MAP4K3: variants seen among roughly 807,000 people sequenced by gnomAD.
MAP4K3 encodes the protein mitogen-activated protein kinase kinase kinase kinase 3.
Under a neutral mutation model 143.5 loss-of-function variants are expected in MAP4K3, and 94 were observed. That is an observed-to-expected ratio of 0.65 (90% CI 0.55 to 0.78). MAP4K3 has a LOEUF of 0.78. MAP4K3 is among the 30% of genes least tolerant of loss of function. The probability of loss-of-function intolerance (pLI) is 0.00; values close to 1 mark genes in which losing one functional copy is unlikely to be tolerated. For missense variants in MAP4K3, 1,077 were observed against 1,068.1 expected (o/e 1.01, Z -0.12); for synonymous variants, 416 against 347.2 (o/e 1.20, Z -2.20).
At chr2:39,378,230 G>T (rs909772721) in intron 1 of MAP4K3, 107 bp from the exon 2 acceptor site, 4 of 610,200 alleles carry the variant, frequency 6.6e-6, no homozygotes, top group Middle Eastern at 4.6e-4. Context: ...TATTTTAAAA[G>T]AAATGCAAAT....
At chr2:39,412,571 C>A (rs1025812940) in intron 1 of MAP4K3, among the ~76,000 whole-genome samples, 5 of 151,846 alleles carry the variant, frequency 3.3e-5, no homozygotes, top group Non-Finnish European at 7.4e-5. Context: ...AACAAACAAA[C>A]AAAAAATAAA....
intron 18 of MAP4K3, among the ~76,000 whole-genome samples, chr2:39,292,299 C>A (rs1368504826): frequency 6.6e-6 from 1 of 152,094 alleles, no homozygotes; most frequent in African/African-American, 2.4e-5. Flanking sequence ...GAAGTATTAA[C>A]CCACAATGTG....
chr2:39,375,368 A>G (rs115813272), intron 2 of MAP4K3, among the ~76,000 whole-genome samples: 1,625 of 152,252 alleles, frequency 0.011, 27 homozygotes, highest in African/African-American at 0.037. Context: ...TTCTCTAGAG[A>G]TATCTATCAA....
chr2:39,254,742 T>G (rs1393460470), intron 31 of MAP4K3, among the ~76,000 whole-genome samples: 1 of 152,184 alleles, frequency 6.6e-6, no homozygotes. Flanking sequence ...ATTTTTGTTA[T>G]AGTTTTTTTG....
chr2:39,385,878 C>T (rs1045681481), intron 1 of MAP4K3, among the ~76,000 whole-genome samples: 5 of 151,970 alleles, frequency 3.3e-5, no homozygotes, highest in South Asian at 2.1e-4. Flanking sequence ...GTGATCCACC[C>T]GTCTTGGCCT....
chr2:39,369,393 C>G (rs553969031), intron 2 of MAP4K3, among the ~76,000 whole-genome samples: 114 of 151,688 alleles, frequency 7.5e-4, no homozygotes, highest in Non-Finnish European at 1.1e-3. Context: ...CTGATCTGCC[C>G]GCCTCGGCCT....
chr2:39,270,254 G>C (rs1248819330), intron 26 of MAP4K3, among the ~76,000 whole-genome samples: 1 of 152,132 alleles, frequency 6.6e-6, no homozygotes, highest in Non-Finnish European at 1.5e-5. Context: ...TAAGAGTTGT[G>C]GGCAGTACAC....
chr2:39,393,360 G>A (rs1666718951), intron 1 of MAP4K3, among the ~76,000 whole-genome samples: 1 of 152,014 alleles, frequency 6.6e-6, no homozygotes, highest in African/African-American at 2.4e-5. Flanking sequence ...CTCCTTAGAA[G>A]CCTTTTACTT....
At chr2:39,397,713 T>C (rs1200758514) in intron 1 of MAP4K3, among the ~76,000 whole-genome samples, 1 of 152,184 alleles carries the variant, frequency 6.6e-6, no homozygotes, top group African/African-American at 2.4e-5. Flanking sequence ...TATAACTTTA[T>C]ATGGCCTCAA....
chr2:39,364,807 G>T (rs1318064441), intron 2 of MAP4K3, among the ~76,000 whole-genome samples: 1 of 149,748 alleles, frequency 6.7e-6, no homozygotes, highest in African/African-American at 2.5e-5. Flanking sequence ...GGCAGAGCTT[G>T]CAGTGAGCCA....
chr2:39,331,807 G>A, intron 8 of MAP4K3, 110 bp downstream of exon 8: 1 of 594,356 alleles, frequency 1.7e-6, no homozygotes, highest in Non-Finnish European at 2.8e-6. Flanking sequence ...GCCTGTTGAT[G>A]ACTTTTTTCT....
chr2:39,360,035 G>C (rs1441048383), intron 2 of MAP4K3, among the ~76,000 whole-genome samples: 1 of 152,216 alleles, frequency 6.6e-6, no homozygotes, highest in Non-Finnish European at 1.5e-5. Context: ...CAGCAGGTTT[G>C]AATTTCTCCT....
At chr2:39,378,235 G>T in intron 1 of MAP4K3, 112 bp from the exon 2 acceptor site, 1 of 595,516 alleles carries the variant, frequency 1.7e-6, no homozygotes, top group Non-Finnish European at 3.0e-6. Context: ...TAAAAGAAAT[G>T]CAAATGTAAT....
chr2:39,306,050 G>A (rs1442845920), intron 15 of MAP4K3, among the ~76,000 whole-genome samples: 2 of 152,008 alleles, frequency 1.3e-5, no homozygotes, highest in South Asian at 2.1e-4. Context: ...GGATGGTCTC[G>A]ATCTCCTGAC....
At chr2:39,299,620 T>C in intron 16 of MAP4K3, 123 bp downstream of exon 16, 1 of 451,646 alleles carries the variant, frequency 2.2e-6, no homozygotes. Flanking sequence ...AAAGGTGAAA[T>C]GCATATTGTA....
chr2:39,360,155 G>A (rs990895086), intron 2 of MAP4K3, among the ~76,000 whole-genome samples: 5 of 152,130 alleles, frequency 3.3e-5, no homozygotes, highest in African/African-American at 1.2e-4. Context: ...TCTTCCACCA[G>A]ATACCCTAAT....
rs1667419033 is a variant in MAP4K3, at chr2:39,417,522, G to A, written c.96+19370C>T. On this transcript the variant is annotated intron_variant, in intron 1 of 33. Transcript: ENST00000263881. ...CGTGAGCCACCGCACCCGCCCGAAA[G>A]CCAGGTTTCTTACTACTGGATTAGG... Among the ~76,000 whole-genome samples, 3 of 152,018 alleles carry A rather than the reference G, an allele frequency of 2.0e-5. No individual in the cohort carries two copies. The South Asian group carries it at 6.2e-4, about 31-fold the overall frequency.
chr2:39,258,281 TG>T (rs1680428193), intron 31 of MAP4K3, 66 bp downstream of exon 31: 1 of 1,013,166 alleles, frequency 9.9e-7, no homozygotes, highest in African/African-American at 1.7e-5. Flanking sequence ...TCTTTAATTT[TG>T]GATAATTAGC....
intron 1 of MAP4K3, among the ~76,000 whole-genome samples, chr2:39,436,207 C>T (rs1310287826): frequency 6.6e-6 from 1 of 152,054 alleles, no homozygotes; most frequent in Non-Finnish European, 1.5e-5. Flanking sequence ...ACTTTGAATT[C>T]TAACCTTGTC....
Sources: gnomAD v4.1 joint callset for allele counts (sites outside exome capture counted in the v4.1 genomes callset) on GRCh38, gnomAD v4.1.1 for gene constraint, MANE v1.5 for transcripts, NCBI Gene and HGNC (gene_info 2026-07-23, HGNC 2026-07-21) for gene names.